The following RGS20 variants were observed in gnomAD, a reference collection of about 807,000 sequenced individuals.
RGS20 encodes regulator of G protein signaling 20, also known as gz-selective GTPase-activating protein.
A neutral mutation model predicts 33.6 loss-of-function variants in RGS20; 30 were observed. The ratio of observed to expected loss-of-function variants is 0.89; its 90% CI spans 0.67 to 1.21. The LOEUF is 1.21. Among genes scored for constraint, RGS20 ranks in the 50% most tolerant of loss-of-function variants. The pLI is 0.00. For missense variants in RGS20, 472 were observed against 502.4 expected (o/e 0.94, Z 0.58); for synonymous variants, 208 against 197.9 (o/e 1.05, Z -0.43).
intron 1 of RGS20, among the ~76,000 whole-genome samples, chr8:53,866,661 C>T (rs1192308304): frequency 2.0e-4 from 31 of 152,168 alleles, no homozygotes; most frequent in Non-Finnish European, 5.9e-5. Flanking sequence ...GGATTACAGG[C>T]TTGAGCTACT....
chr8:53,864,866 C>T (rs941587599), intron 1 of RGS20, among the ~76,000 whole-genome samples: 7 of 152,024 alleles, frequency 4.6e-5, no homozygotes, highest in African/African-American at 1.5e-4. Context: ...TCTGAATGGC[C>T]CCTAAAATGT....
chr8:53,866,634 G>A (rs376800752), intron 1 of RGS20, among the ~76,000 whole-genome samples: 16 of 152,106 alleles, frequency 1.1e-4, no homozygotes, highest in African/African-American at 3.6e-4. Flanking sequence ...CACCTGCCTC[G>A]GCCTCTCAAA....
rs141918037 is a variant in RGS20 at position 53,866,022 on chromosome 8, A to G, written c.166-13236A>G. Among the ~76,000 whole-genome samples the G allele has an allele frequency of 8.8e-4, 134 of 152,294 alleles. 1 individual carries two copies. Among genetic ancestry groups the G allele is most frequent in the Admixed American group, 8.1e-3 (124 of 15,300 alleles). The stretch of plus-strand genomic sequence containing the variant: ...AATACAGAGCATGCAGGCAACCCCA[A>G]CGTGAGAGAGCTTCCTGAGGGAAAT... On this transcript the variant is annotated intron_variant, in intron 1 of 5. Coordinates refer to ENST00000297313, the MANE Select transcript of RGS20 (RefSeq NM_170587.4).
At chr8:53,948,210 T>TG (rs1563431559) in intron 4 of RGS20, among the ~76,000 whole-genome samples, 3 of 136,896 alleles carry the variant, frequency 2.2e-5, no homozygotes, top group Admixed American at 7.7e-5. Flanking sequence ...ATGCTATATA[T>TG]AAGATAGTAT....
intron 2 of RGS20, chr8:53,880,067 C>T (rs1410369137): frequency 6.5e-6 from 1 of 154,960 alleles, no homozygotes; most frequent in African/African-American, 2.4e-5. Context: ...CTTAGCCCTC[C>T]GGGCTCCAGG....
At chr8:53,922,272 A>G (rs1054766708) in intron 2 of RGS20, among the ~76,000 whole-genome samples, 51 of 152,248 alleles carry the variant, frequency 3.3e-4, no homozygotes, top group Middle Eastern at 3.4e-3. Flanking sequence ...ATTAATCTCT[A>G]GTAACATTTT....
chr8:53,892,824 G>T (rs1812751561), intron 2 of RGS20, among the ~76,000 whole-genome samples: 1 of 152,006 alleles, frequency 6.6e-6, no homozygotes, highest in Admixed American at 6.6e-5. Flanking sequence ...ATTTGGTACA[G>T]TTTCTAAAAT....
chr8:53,947,803 TATATA>T (rs1814557375), intron 4 of RGS20, among the ~76,000 whole-genome samples: 1 of 134,894 alleles, frequency 7.4e-6, no homozygotes, highest in African/African-American at 2.6e-5. Context: ...ATATATGCTA[TATATA>T]GGATATAGTA....
In RGS20 at chr8:53,937,256, C is replaced by T. The variant is rs552906054; in HGVS notation, c.511-2320C>T. Reference sequence around the variant, plus strand: ...TGTATACATATGTAACAAACCTGCACGTTGTGCACATGTACCCTAGAACTT... The same window carrying T: ...TGTATACATATGTAACAAACCTGCATGTTGTGCACATGTACCCTAGAACTT... On this transcript the variant is annotated intron_variant, in intron 2 of 5. Coordinates refer to ENST00000297313, the MANE Select transcript of RGS20 (RefSeq NM_170587.4). Among the ~76,000 whole-genome samples, 17 of 151,676 alleles carry T rather than the reference C, an allele frequency of 1.1e-4. No individual in the cohort carries two copies. In the East Asian group the frequency reaches 2.7e-3, roughly 24 times the overall value.
chr8:53,915,474 T>TA (rs1157250069), intron 2 of RGS20, among the ~76,000 whole-genome samples: 1 of 152,204 alleles, frequency 6.6e-6, no homozygotes. Context: ...GTCCCAGTCA[T>TA]ACAGCTCTGG....
At chr8:53,891,999 C>T (rs1812722736) in intron 2 of RGS20, among the ~76,000 whole-genome samples, 1 of 152,038 alleles carries the variant, frequency 6.6e-6, no homozygotes, top group African/African-American at 2.4e-5. Flanking sequence ...ATTAACTCGT[C>T]ATTTAGCATT....
At chr8:53,913,043 G>A (rs1206973248) in intron 2 of RGS20, among the ~76,000 whole-genome samples, 2 of 151,558 alleles carry the variant, frequency 1.3e-5, no homozygotes, top group Admixed American at 6.6e-5. Flanking sequence ...TCAGCTCACT[G>A]CAAACTCCGA....
At chr8:53,919,922 C>T (rs1813596333) in intron 2 of RGS20, among the ~76,000 whole-genome samples, 1 of 152,106 alleles carries the variant, frequency 6.6e-6, no homozygotes, top group East Asian at 1.9e-4. Context: ...TTTGCCCAGG[C>T]TGGAGCACAG....
chr8:53,954,601 A>T (rs1413767501), intron 5 of RGS20, among the ~76,000 whole-genome samples: 3 of 151,098 alleles, frequency 2.0e-5, no homozygotes, highest in Non-Finnish European at 3.0e-5. Flanking sequence ...GAGGCAGAGG[A>T]TGCAGTGAGC....
chr8:53,936,815 G>T (rs1814148145), intron 2 of RGS20, among the ~76,000 whole-genome samples: 1 of 152,156 alleles, frequency 6.6e-6, no homozygotes, highest in South Asian at 2.1e-4. Context: ...GAACAAAGCT[G>T]GAGGCATCAC....
chr8:53,854,807 A>G (rs1014997731), intron 1 of RGS20, among the ~76,000 whole-genome samples: 3 of 152,190 alleles, frequency 2.0e-5, no homozygotes, highest in Admixed American at 1.3e-4. Flanking sequence ...ATTTGCACCA[A>G]CCCTGTATGC....
At chr8:53,879,064 C>G (rs954429946) in intron 1 of RGS20, among the ~76,000 whole-genome samples, 2 of 152,106 alleles carry the variant, frequency 1.3e-5, no homozygotes, top group African/African-American at 4.8e-5. Context: ...GACCACACTT[C>G]AAGTAGCACG....
intron 2 of RGS20, among the ~76,000 whole-genome samples, chr8:53,911,019 G>A (rs1813333762): frequency 6.6e-6 from 1 of 152,186 alleles, no homozygotes; most frequent in South Asian, 2.1e-4. Flanking sequence ...TAAAAAGGCT[G>A]TGGATAAAAA....
At chr8:53,898,588 G>A (rs539667936) in intron 2 of RGS20, among the ~76,000 whole-genome samples, 12 of 152,180 alleles carry the variant, frequency 7.9e-5, no homozygotes, top group African/African-American at 2.6e-4. Flanking sequence ...ATATCCTGTG[G>A]GCTCTAGATT....
Sources: gnomAD v4.1 joint callset for allele counts (sites outside exome capture counted in the v4.1 genomes callset) on GRCh38, gnomAD v4.1.1 for gene constraint, MANE v1.5 for transcripts, NCBI Gene and HGNC (gene_info 2026-07-23, HGNC 2026-07-21) for gene names.